The following DYSF variants were observed in gnomAD, a reference collection of about 807,000 sequenced individuals.
DYSF encodes dystrophy-associated fer-1-like 1.
In DYSF, 212 loss-of-function variants were observed where a neutral mutation model predicts 274.9. The ratio of observed to expected loss-of-function variants is 0.77; its 90% CI spans 0.69 to 0.86. The LOEUF (loss-of-function observed/expected upper bound fraction) is 0.86, where lower values mean the gene tolerates loss of function less well. Among genes scored for constraint, DYSF ranks in the 40% least tolerant of loss-of-function variants. The pLI, the probability that DYSF is intolerant of heterozygous loss-of-function variation, is 0.00. For synonymous variants in DYSF, 1,091 were observed against 1,078.7 expected, an observed-to-expected ratio of 1.01 and a Z score of -0.22; for missense variants, 2,666 against 2,783.2, an observed-to-expected ratio of 0.96 and a Z score of 0.95.
intron 19 of DYSF, 25 bp from the exon 20 acceptor site, chr2:71,552,986 C>A (rs1559141056): frequency 1.5e-5 from 25 of 1,613,936 alleles, no homozygotes; most frequent in Non-Finnish European, 2.1e-5. Context: ...CTCCCGTGAC[C>A]CTCTGGTCTA....
intron 41 of DYSF, among the ~76,000 whole-genome samples, chr2:71,623,296 G>C (rs2094143822): frequency 6.6e-6 from 1 of 151,116 alleles, no homozygotes; most frequent in Non-Finnish European, 1.5e-5. Context: ...TCTAGCATTA[G>C]GTATATCTCC....
intron 29 of DYSF, among the ~76,000 whole-genome samples, chr2:71,572,275 A>T (rs910760924): frequency 1.3e-5 from 2 of 150,266 alleles, no homozygotes; most frequent in African/African-American, 4.9e-5. Flanking sequence ...CAACCAGCAC[A>T]GATCACACCT....
At chr2:71,555,777 C>T (rs576829895) in intron 21 of DYSF, among the ~76,000 whole-genome samples, 188 bp from the exon 22 acceptor site, 28 of 152,258 alleles carry the variant, frequency 1.8e-4, no homozygotes, top group African/African-American at 5.1e-4. Flanking sequence ...TGTATTTGGG[C>T]GTGGGGAGCC....
intron 29 of DYSF, 94 bp from the exon 30 acceptor site, chr2:71,574,104 T>C: frequency 6.7e-7 from 1 of 1,496,720 alleles, no homozygotes; most frequent in Non-Finnish European, 9.2e-7. Context: ...GGTGGGGAGT[T>C]GTCATGGAAG....
At chr2:71,611,680 A>C in intron 38 of DYSF, 54 bp downstream of exon 38, 1 of 1,592,416 alleles carries the variant, frequency 6.3e-7, no homozygotes, top group Non-Finnish European at 8.5e-7. Flanking sequence ...TAGAAGTTCT[A>C]CATGTCCCCG....
At chr2:71,486,150 C>T (rs866180418) in intron 3 of DYSF, among the ~76,000 whole-genome samples, 3 of 152,068 alleles carry the variant, frequency 2.0e-5, no homozygotes, top group Non-Finnish European at 4.4e-5. Flanking sequence ...TGCAGCCACC[C>T]GTTTTGTTTG....
intron 30 of DYSF, among the ~76,000 whole-genome samples, chr2:71,586,565 T>C (rs974718371): frequency 6.6e-6 from 1 of 151,858 alleles, no homozygotes; most frequent in Admixed American, 6.5e-5. Flanking sequence ...GAGGTCCACA[T>C]GGAAATCCCA....
intron 3 of DYSF, among the ~76,000 whole-genome samples, chr2:71,487,540 G>A (rs897776229): frequency 7.2e-5 from 11 of 152,154 alleles, no homozygotes; most frequent in Admixed American, 1.3e-4. Flanking sequence ...GCAGAGTCTC[G>A]CTCTGTCGCC....
At chr2:71,454,697 TG>T (rs1298541476) in intron 1 of DYSF, among the ~76,000 whole-genome samples, 1 of 152,080 alleles carries the variant, frequency 6.6e-6, no homozygotes, top group Non-Finnish European at 1.5e-5. Flanking sequence ...AACGGACCAG[TG>T]GGTGGAGGGA....
intron 42 of DYSF, among the ~76,000 whole-genome samples, chr2:71,644,656 C>A (rs769810927): frequency 9.9e-5 from 15 of 152,086 alleles, no homozygotes; most frequent in East Asian, 1.9e-4. Flanking sequence ...ATGAGTCAGC[C>A]AAATTGTGGT....
At position 71,564,120 on chromosome 2, in the gene DYSF, C is replaced by T. The variant is rs765420779; in HGVS notation, c.2472C>T (p.Tyr824=). Residue 824 remains tyrosine (Y), a synonymous_variant, in exon 24 of 56, where the codon TAC becomes TAT. Coordinates refer to ENST00000410020, the MANE Select transcript of DYSF (RefSeq NM_001130987.2). ...TGCAGGGAGACAAGCGTGTGGCATA[C>T]CAGCGGGTGCCCGCCCACCAAGTCC... ...WMLQGDKRVA[Y]QRVPAHQVLF... is the part of the protein sequence containing the mutation. 1.2e-6 allele frequency: 2 copies of T among 1,614,270 alleles called. No individual in the cohort carries two copies. The highest frequency in any genetic ancestry group is 1.1e-5 in the South Asian group (1 of 91,092).
chr2:71,610,898 T>C, intron 36 of DYSF: 2 of 366,620 alleles, frequency 5.5e-6, no homozygotes, highest in East Asian at 6.7e-5. Flanking sequence ...GAATAGGCAG[T>C]GTGTGCACGC....
In DYSF at chr2:71,564,144, C is replaced by G; in HGVS notation, c.2496C>G (p.Val832=). The G allele has an allele frequency of 6.2e-7, 1 of 1,614,284 alleles. No individual in the cohort carries two copies. The highest frequency in any genetic ancestry group is 8.5e-7 in the Non-Finnish European group (1 of 1,180,052). ...ACCAGCGGGTGCCCGCCCACCAAGT[C>G]CTCTTCTCCCGGCGGGGTGCCAACT... ...VAYQRVPAHQ[V]LFSRRGANYC... The change falls in exon 24 of 56, where the codon GTC becomes GTG. Residue 832 remains valine, a synonymous_variant. Coordinates refer to ENST00000410020, the MANE Select transcript of DYSF (RefSeq NM_001130987.2).
At chr2:71,545,425 C>T (rs1321166123) in intron 17 of DYSF, among the ~76,000 whole-genome samples, 1 of 152,186 alleles carries the variant, frequency 6.6e-6, no homozygotes, top group Non-Finnish European at 1.5e-5. Context: ...CGAACTTCCT[C>T]TTCCTGCCCC....
intron 34 of DYSF, chr2:71,601,172 G>C (rs1411316640): frequency 1.7e-6 from 1 of 586,600 alleles, no homozygotes; most frequent in Admixed American, 3.0e-5. Context: ...CCGTTGCATT[G>C]CTGGCTTCAC....
chr2:71,617,535 A>G (rs1385506605), intron 40 of DYSF, among the ~76,000 whole-genome samples: 2 of 151,716 alleles, frequency 1.3e-5, no homozygotes, highest in Non-Finnish European at 2.9e-5. Flanking sequence ...TTATGTGGCA[A>G]AGGGGTACGT....
intron 42 of DYSF, among the ~76,000 whole-genome samples, chr2:71,646,561 G>A (rs951997978): frequency 6.6e-6 from 1 of 152,232 alleles, no homozygotes; most frequent in Non-Finnish European, 1.5e-5. Flanking sequence ...ACATTATGGA[G>A]AGAGTGGAGC....
chr2:71,566,233 C>G (rs117576946), intron 24 of DYSF, among the ~76,000 whole-genome samples: 50 of 75,326 alleles, frequency 6.6e-4, no homozygotes, highest in African/African-American at 8.9e-4. Context: ...GGGGGCGGGG[C>G]GGGGGGTGCT....
Position 71,556,047 on chromosome 2 carries a change from C to A in DYSF, c.2192C>A (p.Thr731Lys). 1 of 1,576,116 alleles carries A rather than the reference C, an allele frequency of 6.3e-7. No individual in the cohort carries two copies. Among genetic ancestry groups the A allele is most frequent in the Non-Finnish European group, 8.6e-7 (1 of 1,161,650 alleles). ...GTGGACTCGCTGGTGGCTCAGCTGACGGATGAGCTCATCGCAGGCTGCAGG... is the reference window on the plus strand; with the variant it reads ...GTGGACTCGCTGGTGGCTCAGCTGAAGGATGAGCTCATCGCAGGCTGCAGG... ...EDVDSLVAQLTDELIAGCSQP... is the reference protein window; with the variant it reads ...EDVDSLVAQLKDELIAGCSQP... The change falls in exon 22 of 56, where the codon ACG becomes AAG. Residue 731 changes from threonine (T) to lysine (K), a missense_variant. By Grantham distance (78) the Thr-to-Lys change is moderately conservative. This residue lies in a region of DYSF where 412 missense variants were observed against 504.0 expected (regional missense o/e 0.82). Coordinates refer to ENST00000410020, the MANE Select transcript of DYSF (RefSeq NM_001130987.2).
Sources: allele counts gnomAD v4.1 joint callset (sites outside exome capture counted in the v4.1 genomes callset), GRCh38; gene constraint gnomAD v4.1.1; regional missense constraint gnomAD v4.1.1; transcripts MANE v1.5; gene names NCBI Gene and HGNC (gene_info 2026-07-23, HGNC 2026-07-21).